The following RAP1A variants were observed in gnomAD, a reference collection of about 807,000 sequenced individuals.
RAP1A encodes RAP1A, member of RAS oncogene family, also known as ras-related protein Rap-1A.
Under a neutral mutation model 26.4 loss-of-function variants are expected in RAP1A, and 6 were observed. The ratio of observed to expected loss-of-function variants is 0.23; its 90% CI spans 0.12 to 0.45. RAP1A has a LOEUF of 0.45. RAP1A is among the 20% of genes least tolerant of loss of function. The pLI, the probability that RAP1A is intolerant of heterozygous loss-of-function variation, is 0.99. For synonymous variants in RAP1A, 73 were observed against 79.4 expected (o/e 0.92, Z 0.43); for missense variants, 121 against 217.2 (o/e 0.56, Z 2.78).
intron 1 of RAP1A, among the ~76,000 whole-genome samples, chr1:111,590,352 A>T (rs1249163395): frequency 6.6e-6 from 1 of 152,230 alleles, no homozygotes; most frequent in East Asian, 1.9e-4. Context: ...TTCTTGACTT[A>T]AAGAATGCTT....
chr1:111,592,308 A>G (rs1379977876), intron 1 of RAP1A, among the ~76,000 whole-genome samples: 1 of 152,180 alleles, frequency 6.6e-6, no homozygotes, highest in Non-Finnish European at 1.5e-5. Flanking sequence ...TCTCAAACAT[A>G]TATGTTCACC....
intron 1 of RAP1A, among the ~76,000 whole-genome samples, chr1:111,624,768 AAAT>A (rs1443675099): frequency 6.6e-6 from 1 of 152,250 alleles, no homozygotes; most frequent in African/African-American, 2.4e-5. Flanking sequence ...AGTGGTTTAA[AAAT>A]AATTCTTTTA....
At chr1:111,594,569 GAAGGAAGGAAGGAAGGA>G (rs1658529196) in intron 1 of RAP1A, among the ~76,000 whole-genome samples, 3 of 137,900 alleles carry the variant, frequency 2.2e-5, no homozygotes, top group African/African-American at 8.7e-5. Context: ...AGGAGGGAGG[GAAGGAAGGAAGGAAGGA>G]AGGGAGGGAG....
intron 1 of RAP1A, among the ~76,000 whole-genome samples, chr1:111,592,361 A>C (rs1396974627): frequency 2.0e-5 from 3 of 152,234 alleles, no homozygotes; most frequent in African/African-American, 7.2e-5. Flanking sequence ...TGTTGTTCAC[A>C]GCACAAGCAG....
At chr1:111,647,355 T>G (rs2101128644) in intron 1 of RAP1A, among the ~76,000 whole-genome samples, 1 of 152,330 alleles carries the variant, frequency 6.6e-6, no homozygotes, top group East Asian at 1.9e-4. Flanking sequence ...TGGTGAGCTG[T>G]ATAATTGTTT....
chr1:111,657,999 T>G (rs1660517315), intron 1 of RAP1A, among the ~76,000 whole-genome samples: 1 of 152,300 alleles, frequency 6.6e-6, no homozygotes, highest in East Asian at 1.9e-4. Flanking sequence ...TGATTTAAAT[T>G]TATTCAAATT....
chr1:111,662,937 A>C (rs747342561), intron 1 of RAP1A, among the ~76,000 whole-genome samples: 3 of 152,116 alleles, frequency 2.0e-5, no homozygotes, highest in Non-Finnish European at 2.9e-5. Flanking sequence ...TGTGTTTTTG[A>C]CACAGTCTTG....
intron 1 of RAP1A, among the ~76,000 whole-genome samples, chr1:111,665,592 T>C (rs568459055): frequency 6.6e-6 from 1 of 152,324 alleles, no homozygotes; most frequent in South Asian, 2.1e-4. Flanking sequence ...CTTAAGTAGA[T>C]GGTAATACAT....
chr1:111,655,298 G>A (rs764626392), intron 1 of RAP1A, among the ~76,000 whole-genome samples: 40 of 150,304 alleles, frequency 2.7e-4, no homozygotes, highest in African/African-American at 8.3e-4. Context: ...TAACTTGAGC[G>A]TGATAAACAG....
intron 1 of RAP1A, among the ~76,000 whole-genome samples, chr1:111,634,652 A>G (rs1659672971): frequency 6.6e-6 from 1 of 150,434 alleles, no homozygotes; most frequent in African/African-American, 2.4e-5. Context: ...TATTTTATTC[A>G]TTTATTTTTT....
chr1:111,569,269 C>T (rs923654107), intron 1 of RAP1A, among the ~76,000 whole-genome samples: 18 of 151,766 alleles, frequency 1.2e-4, no homozygotes, highest in African/African-American at 3.9e-4. Context: ...TGAATGGTGG[C>T]GTGCACCTAC....
intron 1 of RAP1A, among the ~76,000 whole-genome samples, chr1:111,546,007 C>T (rs1331490662): frequency 6.6e-6 from 1 of 152,106 alleles, no homozygotes; most frequent in East Asian, 1.9e-4. Flanking sequence ...GTACCATACC[C>T]TTTAGAATAC....
intron 1 of RAP1A, among the ~76,000 whole-genome samples, chr1:111,633,536 G>T (rs1303921957): frequency 6.6e-6 from 1 of 152,064 alleles, no homozygotes; most frequent in South Asian, 2.1e-4. Flanking sequence ...AGGTTATTTC[G>T]GTAGTGTTTC....
At chr1:111,547,351 G>T (rs1657070749) in intron 1 of RAP1A, among the ~76,000 whole-genome samples, 4 of 151,658 alleles carry the variant, frequency 2.6e-5, no homozygotes, top group Admixed American at 2.6e-4. Flanking sequence ...TTGAGATGAT[G>T]ATTTTTTTCC....
At chr1:111,560,187 A>G (rs927677393) in intron 1 of RAP1A, among the ~76,000 whole-genome samples, 1 of 152,182 alleles carries the variant, frequency 6.6e-6, no homozygotes, top group Non-Finnish European at 1.5e-5. Context: ...ACATGAGATC[A>G]CAAGAGAAGA....
chr1:111,605,057 T>C (rs1368896598), intron 1 of RAP1A, among the ~76,000 whole-genome samples: 1 of 152,204 alleles, frequency 6.6e-6, no homozygotes, highest in Non-Finnish European at 1.5e-5. Context: ...TGAAGTGGTT[T>C]CCAAGATTCA....
chr1:111,650,093 CTTTTTTT>C (rs57681662), intron 1 of RAP1A, among the ~76,000 whole-genome samples: 1 of 75,850 alleles, frequency 1.3e-5, no homozygotes, highest in Admixed American at 1.6e-4. Flanking sequence ...TGGTAGAGTG[CTTTTTTT>C]TTTTTTTTTT....
chr1:111,668,755 C>A (rs187328048), intron 1 of RAP1A, among the ~76,000 whole-genome samples: 1 of 152,032 alleles, frequency 6.6e-6, no homozygotes, highest in Admixed American at 6.5e-5. Flanking sequence ...AGGCTGTATG[C>A]GGTGATGCAC....
upstream of RAP1A, among the ~76,000 whole-genome samples, chr1:111,616,523 C>A (rs908917987): frequency 6.6e-6 from 1 of 152,210 alleles, no homozygotes. Flanking sequence ...GTCCCCTTGG[C>A]CTCACTTGTT....
Sources: allele counts gnomAD v4.1 joint callset (sites outside exome capture counted in the v4.1 genomes callset), GRCh38; gene constraint gnomAD v4.1.1; transcripts MANE v1.5; gene names NCBI Gene and HGNC (gene_info 2026-07-23, HGNC 2026-07-21).